Variants in GCLC observed in about 807,000 individuals in gnomAD.
GCLC encodes glutamate--cysteine ligase catalytic subunit.
Under a neutral mutation model 81.5 loss-of-function variants are expected in GCLC, and 30 were observed. The ratio of observed to expected loss-of-function variants is 0.37; its 90% CI spans 0.28 to 0.50. The LOEUF (loss-of-function observed/expected upper bound fraction) is 0.50. GCLC is among the 20% of genes least tolerant of loss of function. The probability of loss-of-function intolerance (pLI) is 0.96; values close to 1 mark genes in which losing one functional copy is unlikely to be tolerated. For missense variants in GCLC, 556 were observed against 777.4 expected, an observed-to-expected ratio of 0.72 and a Z score of 3.39; for synonymous variants, 262 against 273.3, an observed-to-expected ratio of 0.96 and a Z score of 0.41.
chr6:53,542,550 C>A (rs1246027328), intron 1 of GCLC, among the ~76,000 whole-genome samples: 2 of 150,906 alleles, frequency 1.3e-5, no homozygotes, highest in Admixed American at 6.6e-5. Context: ...CAGGAATACA[C>A]CAAATGGGAC....
chr6:53,505,494 C>A lies in GCLC; in HGVS notation c.1293G>T (p.Val431=). 6.5e-7 allele frequency: 1 copy of A among 1,530,908 alleles called. No homozygotes were observed. The highest frequency in any genetic ancestry group is 9.1e-7 in the Non-Finnish European group (1 of 1,104,454). 94.8% of individuals were successfully genotyped at this position (1,530,908 alleles called of 1,614,324 possible). A position where few individuals can be genotyped will look rare whatever the true frequency, so the allele number is the denominator to read the frequency against. Residue 431 remains valine, a splice_region_variant and synonymous_variant, in exon 12 of 16, where the codon GTG becomes GTT. Coordinates refer to ENST00000650454, the MANE Select transcript of GCLC (RefSeq NM_001498.4). ...GWRVEFRPME[V]QLTDFENSAY... The stretch of plus-strand genomic sequence containing the variant: ...CAGAGTTCTCAAAGTCTGTTAATTG[C>A]ACCTAGACAAGCAGAAGCCCAGAGA...
Position 53,544,477 on chromosome 6 carries a change from G to A in GCLC, c.150+19C>T. 6.2e-7 allele frequency: 1 copy of A among 1,604,384 alleles called. No homozygotes were observed. Among genetic ancestry groups the A allele is most frequent in the Non-Finnish European group, 8.5e-7 (1 of 1,179,150 alleles). On this transcript the variant is annotated intron_variant, in intron 1 of 15. Coordinates refer to ENST00000650454, the MANE Select transcript of GCLC (RefSeq NM_001498.4). ...CCAGACACGGGTGCCCGGCGGGGAC[G>A]GGGACCGCGGGCGCTCACCTCATCG...
In GCLC at chr6:53,500,238, C is replaced by G. The variant is rs1447221852; in HGVS notation, c.1581+9G>C. On this transcript the variant is annotated intron_variant, in intron 14 of 15. Transcript: ENST00000650454. ...CAGTGAGGGGTACTGTACAGGGCCA[C>G]CCTCCTACCTTCCCATTGATGATGG... is the stretch of plus-strand genomic sequence containing the variant. The G allele has an allele frequency of 5.0e-6, 8 of 1,613,356 alleles. No homozygotes were observed. The African/African-American group carries it at 9.3e-5, about 19-fold the overall frequency.
chr6:53,528,356 C>T (rs1474985216), intron 1 of GCLC, among the ~76,000 whole-genome samples: 2 of 152,180 alleles, frequency 1.3e-5, no homozygotes, highest in Non-Finnish European at 2.9e-5. Context: ...TCTCCAAGCA[C>T]TTTTAGGGGA....
chr6:53,540,704 CA>C (rs1468787205), intron 1 of GCLC, among the ~76,000 whole-genome samples: 45 of 146,400 alleles, frequency 3.1e-4, no homozygotes, highest in African/African-American at 1.1e-3. Context: ...CACACACACA[CA>C]AAAGTCCTGG....
intron 1 of GCLC, among the ~76,000 whole-genome samples, chr6:53,538,864 G>T (rs527709510): frequency 2.0e-5 from 3 of 152,252 alleles, no homozygotes; most frequent in Admixed American, 2.0e-4. Context: ...TTTAAATGTT[G>T]TTTTCTGACC....
chr6:53,498,620 A>T lies in GCLC; in HGVS notation c.*136T>A. 1.4e-6 allele frequency: 1 copy of T among 707,808 alleles called. No homozygotes were observed. Among genetic ancestry groups the T allele is most frequent in the Non-Finnish European group, 2.6e-6 (1 of 384,894 alleles). The allele number at this position is 707,808 out of a possible 1,614,324, so 43.8% of individuals were successfully genotyped here. A position where few individuals can be genotyped will look rare whatever the true frequency, so the allele number is the denominator to read the frequency against. On this transcript the variant is annotated 3_prime_UTR_variant, in exon 16 of 16. Transcript: ENST00000650454. The stretch of plus-strand genomic sequence containing the variant: ...AGATTTACCTACCAAAGAAAGCCTT[A>T]ATCAATTTCTGGCTCACTGGCCCAG...
intron 6 of GCLC, chr6:53,512,957 A>G (rs1764783774): frequency 6.6e-6 from 1 of 152,248 alleles, no homozygotes; most frequent in Non-Finnish European, 1.5e-5. Flanking sequence ...TAATTAAGAT[A>G]GGAAACAGGC....
rs75091721 is a variant in GCLC, at chr6:53,512,564, T to C, written c.753+1640A>G. On this transcript the variant is annotated intron_variant, in intron 6 of 15. Coordinates refer to ENST00000650454, the MANE Select transcript of GCLC (RefSeq NM_001498.4). ...AAGAGATATAAAGCAGGGATTTCGG[T>C]GGTGAATTGGCAAAATTCATTTCAT... 8.6e-3 allele frequency among the ~76,000 whole-genome samples: 1,310 copies of C among 152,308 alleles called. 19 individuals carry two copies. Among genetic ancestry groups the C allele is most frequent in the African/African-American group, 0.03 (1,262 of 41,572 alleles).
chr6:53,511,041 G>A (rs1764728910), intron 6 of GCLC, among the ~76,000 whole-genome samples: 1 of 152,206 alleles, frequency 6.6e-6, no homozygotes. Context: ...GAGCAGTGAG[G>A]AAATGGGAGC....
intron 1 of GCLC, among the ~76,000 whole-genome samples, chr6:53,534,705 A>T (rs1763230800): frequency 6.6e-6 from 1 of 152,270 alleles, no homozygotes; most frequent in African/African-American, 2.4e-5. Context: ...AGGTCCGGGG[A>T]AACCATTTAC....
intron 9 of GCLC, 36 bp from the exon 10 acceptor site, chr6:53,507,061 G>A: frequency 2.7e-6 from 3 of 1,104,706 alleles, no homozygotes; most frequent in Non-Finnish European, 4.2e-6. Flanking sequence ...TCACTGCAAA[G>A]CGAGAGATAC....
At chr6:53,501,583 A>G (rs1764515025) in intron 12 of GCLC, among the ~76,000 whole-genome samples, 2 of 152,258 alleles carry the variant, frequency 1.3e-5, no homozygotes, top group Non-Finnish European at 2.9e-5. Flanking sequence ...GGCCAGGCTG[A>G]CATGGGACAG....
At chr6:53,500,779 A>G (rs1280163435) in intron 12 of GCLC, 1 of 502,662 alleles carries the variant, frequency 2.0e-6, no homozygotes, top group African/African-American at 1.9e-5. Context: ...GAACGTCTGC[A>G]TTTCAAAGCA....
At chr6:53,524,394 G>C (rs1300135373) in intron 1 of GCLC, among the ~76,000 whole-genome samples, 1 of 152,192 alleles carries the variant, frequency 6.6e-6, no homozygotes, top group Non-Finnish European at 1.5e-5. Context: ...ATATGAAGCA[G>C]GGAAAAGTTA....
At chr6:53,502,845 T>C (rs915597512) in intron 12 of GCLC, among the ~76,000 whole-genome samples, 14 of 152,332 alleles carry the variant, frequency 9.2e-5, no homozygotes, top group African/African-American at 3.1e-4. Flanking sequence ...ACACCCAATT[T>C]TGTGGCACTG....
rs17881126 is a variant in GCLC, at chr6:53,510,021, C to T, written c.754-771G>A. 1,895 of 152,572 alleles carry T rather than the reference C, an allele frequency of 0.012. 105 individuals are homozygous for T. The East Asian group carries it at 0.19, about 15-fold the overall frequency. The allele number at this position is 152,572 out of a possible 1,614,324, so 9.5% of individuals were successfully genotyped here. A position where few individuals can be genotyped will look rare whatever the true frequency, so the allele number is the denominator to read the frequency against. ...TTGGAAGGGGGAAAGACTAGAAAGA[C>T]AGGGAAGCAGTTAAAATACTGCACC... On this transcript the variant is annotated intron_variant, in intron 6 of 15. Coordinates refer to ENST00000650454, the MANE Select transcript of GCLC (RefSeq NM_001498.4).
intron 1 of GCLC, among the ~76,000 whole-genome samples, chr6:53,524,624 C>T (rs1763051481): frequency 6.6e-6 from 1 of 152,198 alleles, no homozygotes; most frequent in Non-Finnish European, 1.5e-5. Flanking sequence ...GTACTTCCTC[C>T]TTCACTCACT....
At chr6:53,525,360 G>T (rs537068065) in intron 1 of GCLC, among the ~76,000 whole-genome samples, 1 of 152,272 alleles carries the variant, frequency 6.6e-6, no homozygotes, top group South Asian at 2.1e-4. Context: ...CTGAAATGGG[G>T]TTTGACGCAA....
Sources: allele counts gnomAD v4.1 joint callset (sites outside exome capture counted in the v4.1 genomes callset), GRCh38; gene constraint gnomAD v4.1.1; transcripts MANE v1.5; gene names NCBI Gene and HGNC (gene_info 2026-07-23, HGNC 2026-07-21).